The following MAML3 variants were observed in gnomAD, a reference collection of about 807,000 sequenced individuals.
MAML3 encodes the protein mastermind-like protein 3.
In MAML3, 27 loss-of-function variants were observed where a neutral mutation model predicts 101.9. The ratio of observed to expected loss-of-function variants is 0.27; its 90% CI spans 0.20 to 0.37. The LOEUF is 0.37. MAML3 is among the 10% of genes least tolerant of loss of function. The probability of loss-of-function intolerance (pLI) is 1.00; values close to 1 mark genes in which losing one functional copy is unlikely to be tolerated. For synonymous variants in MAML3, 501 were observed against 555.9 expected (o/e 0.90, Z 1.39); for missense variants, 1,316 against 1,444.9 (o/e 0.91, Z 1.45).
intron 2 of MAML3, among the ~76,000 whole-genome samples, chr4:139,797,750 C>G (rs1730536418): frequency 6.6e-6 from 1 of 152,110 alleles, no homozygotes; most frequent in African/African-American, 2.4e-5. Context: ...TGTCTATCCC[C>G]TGCACCCCCC....
chr4:139,992,149 T>TG (rs1194368173), intron 1 of MAML3, among the ~76,000 whole-genome samples: 17 of 152,330 alleles, frequency 1.1e-4, no homozygotes, highest in Middle Eastern at 3.4e-3. Context: ...AGCATAATTT[T>TG]GGGGGGTATC....
chr4:139,986,946 A>G (rs1734550136), intron 1 of MAML3, among the ~76,000 whole-genome samples: 1 of 152,194 alleles, frequency 6.6e-6, no homozygotes, highest in Non-Finnish European at 1.5e-5. Context: ...ATATTTCACC[A>G]TGGACAGTAA....
At chr4:140,035,806 C>CA (rs983311702) in intron 1 of MAML3, among the ~76,000 whole-genome samples, 3 of 150,314 alleles carry the variant, frequency 2.0e-5, no homozygotes, top group Admixed American at 6.6e-5. Context: ...AACCCAAAAA[C>CA]AAAAAACTAA....
At chr4:139,828,738 CAT>C (rs1731107588) in intron 2 of MAML3, among the ~76,000 whole-genome samples, 1 of 71,568 alleles carries the variant, frequency 1.4e-5, no homozygotes, top group Non-Finnish European at 3.0e-5. Context: ...TTTTTAAAAA[CAT>C]AGTTTTATTG....
At chr4:139,956,726 TCA>T (rs1560848471) in intron 1 of MAML3, among the ~76,000 whole-genome samples, 1 of 152,150 alleles carries the variant, frequency 6.6e-6, no homozygotes, top group Non-Finnish European at 1.5e-5. Flanking sequence ...TGTGTTTCTT[TCA>T]CAGAGAAAAC....
At chr4:140,097,869 A>C (rs953735523) in intron 1 of MAML3, among the ~76,000 whole-genome samples, 3 of 152,184 alleles carry the variant, frequency 2.0e-5, no homozygotes, top group Admixed American at 6.5e-5. Flanking sequence ...ATATTTCCAA[A>C]CTGGCATAGG....
chr4:140,064,366 T>C (rs1181683905), intron 1 of MAML3, among the ~76,000 whole-genome samples: 1 of 152,176 alleles, frequency 6.6e-6, no homozygotes, highest in Non-Finnish European at 1.5e-5. Context: ...CCAGGGGAAA[T>C]GTAAGCAGGA....
At chr4:140,123,230 GGT>G (rs1728637570) in intron 1 of MAML3, among the ~76,000 whole-genome samples, 1 of 151,426 alleles carries the variant, frequency 6.6e-6, no homozygotes, top group Non-Finnish European at 1.5e-5. Context: ...TCCCAAACAA[GGT>G]TTGTTAAGAC....
chr4:139,983,544 G>A (rs1734482954), intron 1 of MAML3, among the ~76,000 whole-genome samples: 1 of 152,128 alleles, frequency 6.6e-6, no homozygotes, highest in Non-Finnish European at 1.5e-5. Context: ...TATTTACCTT[G>A]TATTTTGCTG....
intron 2 of MAML3, among the ~76,000 whole-genome samples, chr4:139,877,012 G>A (rs114814966): frequency 1.3e-5 from 2 of 152,162 alleles, no homozygotes; most frequent in East Asian, 1.9e-4. Context: ...TCTAAGAAGA[G>A]CATTTAGAGA....
In MAML3 at chr4:139,718,233, T is replaced by C. The variant is rs1002131586; in HGVS notation, c.*1090A>G. ...AGCAGCCCTCTTGGTTCCAGGCAGA[T>C]ATTCATTCAACGCTACACGTTAGAG... On this transcript the variant is annotated 3_prime_UTR_variant, in exon 5 of 5. Coordinates refer to ENST00000509479, the MANE Select transcript of MAML3 (RefSeq NM_018717.5). 6.6e-6 allele frequency: 1 copy of C among 152,220 alleles called. No individual in the cohort carries two copies. The highest frequency in any genetic ancestry group is 2.4e-5 in the African/African-American group (1 of 41,454). 9.4% of individuals were successfully genotyped at this position (152,220 alleles called of 1,614,324 possible). A position where few individuals can be genotyped will look rare whatever the true frequency, so the allele number is the denominator to read the frequency against.
chr4:139,801,646 GTGT>G (rs1730609170), intron 2 of MAML3, among the ~76,000 whole-genome samples: 1 of 10,246 alleles, frequency 9.8e-5, no homozygotes, highest in Non-Finnish European at 2.9e-4. Flanking sequence ...GTGTGTGGGT[GTGT>G]GTGTGTGTGT....
Position 139,946,917 on chromosome 4 carries a change from A to T in MAML3, c.469-55950T>A, listed in dbSNP as rs892572003. ...CACACACACACACACACACACACAC[A>T]CACACACACTCTCTCTCTCTCTCTC... On this transcript the variant is annotated intron_variant, in intron 1 of 4. Transcript: ENST00000509479. 4.6e-3 allele frequency among the ~76,000 whole-genome samples: 652 copies of T among 141,194 alleles called. 3 individuals carry two copies. Among genetic ancestry groups the T allele is most frequent in the African/African-American group, 0.018 (620 of 34,824 alleles). The allele number at this position is 141,194 out of a possible 152,430, so 92.6% of individuals were successfully genotyped here.
Position 139,852,747 on chromosome 4 carries a change from C to T in MAML3, c.2079+36610G>A, listed in dbSNP as rs147758034. Among the ~76,000 whole-genome samples, 220 of 152,220 alleles carry T rather than the reference C, an allele frequency of 1.4e-3. 1 individual carries two copies. The highest frequency in any genetic ancestry group is 9.9e-4 in the Non-Finnish European group (67 of 68,012). Reference sequence around the variant, plus strand: ...TGTGTTTTTAATTGCATGGTACTTTCTATGTTTCTAGACTGTTAGTAATCC... The same window carrying T: ...TGTGTTTTTAATTGCATGGTACTTTTTATGTTTCTAGACTGTTAGTAATCC... On this transcript the variant is annotated intron_variant, in intron 2 of 4. Coordinates refer to ENST00000509479, the MANE Select transcript of MAML3 (RefSeq NM_018717.5).
chr4:139,745,826 A>C (rs1440415580), intron 2 of MAML3, among the ~76,000 whole-genome samples: 1 of 152,236 alleles, frequency 6.6e-6, no homozygotes, highest in African/African-American at 2.4e-5. Flanking sequence ...GTAGGTATAT[A>C]CTGTGAATAT....
chr4:139,863,342 C>CTT (rs1560817514), intron 2 of MAML3, among the ~76,000 whole-genome samples: 2 of 106,316 alleles, frequency 1.9e-5, no homozygotes, highest in South Asian at 4.0e-4. Flanking sequence ...TTTCCTGTGC[C>CTT]CTTTTTTTTT....
At chr4:139,752,827 C>T (rs1729544013) in intron 2 of MAML3, among the ~76,000 whole-genome samples, 1 of 152,170 alleles carries the variant, frequency 6.6e-6, no homozygotes, top group African/African-American at 2.4e-5. Context: ...TGTCCCTCTA[C>T]ATTGATAACC....
intron 1 of MAML3, among the ~76,000 whole-genome samples, chr4:140,013,172 A>G (rs1303334881): frequency 6.6e-6 from 1 of 152,188 alleles, no homozygotes; most frequent in Non-Finnish European, 1.5e-5. Context: ...TTACTCTTCC[A>G]CTAGAAAATG....
At chr4:139,995,094 G>A (rs997024838) in intron 1 of MAML3, among the ~76,000 whole-genome samples, 22 of 152,040 alleles carry the variant, frequency 1.4e-4, no homozygotes, top group African/African-American at 4.8e-4. Flanking sequence ...TTTTATCATG[G>A]ATGGGTGTTG....
Sources: gnomAD v4.1 joint callset for allele counts (sites outside exome capture counted in the v4.1 genomes callset) on GRCh38, gnomAD v4.1.1 for gene constraint, MANE v1.5 for transcripts, NCBI Gene and HGNC (gene_info 2026-07-23, HGNC 2026-07-21) for gene names.